KLC3: variants seen among roughly 807,000 people sequenced by gnomAD.
The protein encoded by KLC3 is kinesin light chain 3.
Under a neutral mutation model 62.9 loss-of-function variants are expected in KLC3, and 72 were observed. The ratio of observed to expected loss-of-function variants is 1.15; its 90% CI spans 0.95 to 1.39. KLC3 has a LOEUF of 1.39. Ranked by LOEUF, KLC3 falls within the 40% of genes most tolerant of loss-of-function variation. The probability of loss-of-function intolerance (pLI) is 0.00; values close to 1 mark genes in which losing one functional copy is unlikely to be tolerated. For synonymous variants in KLC3, 377 were observed against 300.5 expected, an observed-to-expected ratio of 1.25 and a Z score of -2.63; for missense variants, 848 against 691.6, an observed-to-expected ratio of 1.23 and a Z score of -2.54.
At chr19:45,346,843 C>A in intron 3 of KLC3, 69 bp downstream of exon 3, 2 of 1,385,174 alleles carry the variant, frequency 1.4e-6, no homozygotes, top group South Asian at 2.5e-5. Context: ...CCAGACCCTC[C>A]TTAGAATCCC....
At position 45,345,684 on chromosome 19, in the gene KLC3, T is replaced by G. The variant is rs1338963305; in HGVS notation, c.143T>G (p.Leu48Arg). Reference protein sequence around the residue: ...RAEHHGLAGHLAEALAGQGPA... With the variant: ...RAEHHGLAGHRAEALAGQGPA... Reference sequence around the variant, plus strand: ...GAGCACCATGGCCTGGCTGGGCACCTGGCGGAGGCCCTGGCGGGACAGGGC... The same window carrying G: ...GAGCACCATGGCCTGGCTGGGCACCGGGCGGAGGCCCTGGCGGGACAGGGC... Residue 48 changes from leucine (L) to arginine (R), a missense_variant, in exon 2 of 13, where the codon CTG (leucine) becomes CGG (arginine). Leu to Arg is a moderately radical substitution (Grantham distance 102). Coordinates refer to ENST00000391946, the MANE Select transcript of KLC3 (RefSeq NM_177417.3). 6.3e-7 allele frequency: 1 copy of G among 1,575,498 alleles called. No homozygotes were observed.
rs779536241 is a variant in KLC3, at chr19:45,349,555, C to G, written c.1096C>G (p.Leu366Val). 1.2e-6 allele frequency: 2 copies of G among 1,613,922 alleles called. No individual in the cohort carries two copies. The highest frequency in any genetic ancestry group is 1.7e-6 in the Non-Finnish European group (2 of 1,179,898). The change falls in exon 8 of 13, where the codon CTG (leucine) becomes GTG (valine). Residue 366 changes from leucine (L) to valine (V), a missense_variant. Physicochemically the swap from Leu to Val is conservative, Grantham distance 32. Transcript: ENST00000391946. ...YARALSIYEA[L>V]GGPHDPNVAK... ...CCGGGCCCTGAGCATCTATGAGGCACTGGGCGGGCCCCATGACCCCAACGT... is the reference window on the plus strand; with the variant it reads ...CCGGGCCCTGAGCATCTATGAGGCAGTGGGCGGGCCCCATGACCCCAACGT...
chr19:45,341,184 G>GTT (rs1555772407), intron 1 of KLC3, among the ~76,000 whole-genome samples: 1 of 126,908 alleles, frequency 7.9e-6, no homozygotes, highest in Admixed American at 7.5e-5. Flanking sequence ...GCCTGCCTGT[G>GTT]TTTGTGTGTG....
rs1478959698 is a variant in KLC3 at position 45,346,628 on chromosome 19, G to A, written c.343G>A (p.Glu115Lys). The stretch of plus-strand genomic sequence containing the variant: ...CTCGCAGGCCCGGCGGCTGGCCCAG[G>A]AGAACGTGTGGCTGCGGGAGGAACT... The part of the protein sequence containing the change: ...LRSQARRLAQ[E>K]NVWLREELEE... The change falls in exon 3 of 13, where the codon GAG becomes AAG. Residue 115 changes from glutamate to lysine, a missense_variant. By Grantham distance (56) the Glu-to-Lys change is moderately conservative. Coordinates refer to ENST00000391946, the MANE Select transcript of KLC3 (RefSeq NM_177417.3). The A allele has an allele frequency of 6.4e-7, 1 of 1,553,064 alleles. No individual in the cohort carries two copies. The highest frequency in any genetic ancestry group is 8.7e-7 in the Non-Finnish European group (1 of 1,148,530).
intron 3 of KLC3, 46 bp from the exon 4 acceptor site, chr19:45,347,401 A>G (rs781364621): frequency 4.0e-6 from 6 of 1,485,748 alleles, no homozygotes; most frequent in Non-Finnish European, 5.6e-6. Context: ...CCGGTCTCTG[A>G]AACAAGCCCC....
intron 2 of KLC3, among the ~76,000 whole-genome samples, chr19:45,346,117 G>A (rs189733335): frequency 2.0e-5 from 3 of 152,190 alleles, no homozygotes; most frequent in East Asian, 1.9e-4. Context: ...AGTGGAGATC[G>A]TGCCATTCCA....
At chr19:45,349,673 A>G in intron 8 of KLC3, 71 bp downstream of exon 8, 1 of 993,096 alleles carries the variant, frequency 1.0e-6, no homozygotes, top group Middle Eastern at 3.3e-4. Flanking sequence ...CATTGGTTGG[A>G]TACAGGGTGA....
At chr19:45,342,706 G>A (rs529975907) in intron 1 of KLC3, among the ~76,000 whole-genome samples, 6 of 152,046 alleles carry the variant, frequency 3.9e-5, no homozygotes, top group Admixed American at 1.3e-4. Context: ...GGTGGAGATC[G>A]CAGTGAGCCA....
At chr19:45,347,660 G>A (rs1256235060) in intron 4 of KLC3, 144 bp downstream of exon 4, 2 of 765,698 alleles carry the variant, frequency 2.6e-6, no homozygotes, top group South Asian at 1.8e-5. Flanking sequence ...CAGTGCAGGT[G>A]AGGCTGGGAG....
chr19:45,345,484 C>T, intron 1 of KLC3, 50 bp from the exon 2 acceptor site: 1 of 1,549,730 alleles, frequency 6.5e-7, no homozygotes, highest in Non-Finnish European at 8.7e-7. Context: ...TGGGGGCCAA[C>T]TGACTGGCCC....
At chr19:45,349,841 A>C (rs1460426483) in intron 8 of KLC3, 3 of 527,138 alleles carry the variant, frequency 5.7e-6, no homozygotes, top group Admixed American at 3.5e-5. Context: ...CACAGGTGGC[A>C]GCAGCAGACA....
Position 45,345,546 on chromosome 19 carries a change from C to T in KLC3, c.5C>T (p.Ser2Phe), listed in dbSNP as rs1599706155. 1 of 1,564,694 alleles carries T rather than the reference C, an allele frequency of 6.4e-7. No homozygotes were observed. Among genetic ancestry groups the T allele is most frequent in the African/African-American group, 1.4e-5 (1 of 73,964 alleles). The change falls in exon 2 of 13, where the codon TCT becomes TTT. Residue 2 changes from serine to phenylalanine, a missense_variant. Transcript: ENST00000391946. ...CATTGCTCCCCAGGAGCAGCAATGT[C>T]TGTGCAGGTAGCGGCTCCTGGAAGT... is the stretch of plus-strand genomic sequence containing the variant. M[S>F]VQVAAPGSAG...
chr19:45,346,932 A>G (rs1971513262), intron 3 of KLC3, 158 bp downstream of exon 3: 2 of 394,554 alleles, frequency 5.1e-6, no homozygotes, highest in South Asian at 6.9e-5. Flanking sequence ...AACCCTCCAC[A>G]GAGCCCCCAG....
At chr19:45,341,140 G>T (rs1971384524) in intron 1 of KLC3, among the ~76,000 whole-genome samples, 1 of 151,912 alleles carries the variant, frequency 6.6e-6, no homozygotes, top group Non-Finnish European at 1.5e-5. Context: ...AAGTTGGTGC[G>T]GCTTGCGGGG....
intron 1 of KLC3, among the ~76,000 whole-genome samples, chr19:45,344,652 T>G: frequency 6.6e-6 from 1 of 152,158 alleles, no homozygotes. Context: ...GGAGTGTGTT[T>G]GTGTGTATAT....
chr19:45,346,137 G>C (rs1971485224), intron 2 of KLC3, among the ~76,000 whole-genome samples: 1 of 152,078 alleles, frequency 6.6e-6, no homozygotes, highest in African/African-American at 2.4e-5. Context: ...ACTCCAGTCT[G>C]GGTGACAGAG....
At chr19:45,346,413 A>C in intron 2 of KLC3, 131 bp from the exon 3 acceptor site, 1 of 799,952 alleles carries the variant, frequency 1.3e-6, no homozygotes, top group Non-Finnish European at 1.9e-6. Flanking sequence ...ATGTTGGCAG[A>C]GTCTCTGCAG....
intron 5 of KLC3, 77 bp downstream of exon 5, chr19:45,348,237 C>G (rs1971556572): frequency 2.3e-6 from 3 of 1,312,924 alleles, no homozygotes; most frequent in Admixed American, 2.2e-5. Flanking sequence ...GATCCTGGTG[C>G]CCCCTCTGTC....
chr19:45,351,450 C>T lies in KLC3; in HGVS notation c.*93C>T. 6.3e-7 allele frequency: 1 copy of T among 1,583,416 alleles called. No homozygotes were observed. The highest frequency in any genetic ancestry group is 1.1e-5 in the South Asian group (1 of 89,202). ...GAGGGGGTCTATCATCTCCTGGCCC[C>T]CCCTTGCCTCTGGGTACCTGGTGGA... On this transcript the variant is annotated 3_prime_UTR_variant, in exon 13 of 13. Coordinates refer to ENST00000391946, the MANE Select transcript of KLC3 (RefSeq NM_177417.3).
Sources: gnomAD v4.1 joint callset for allele counts (sites outside exome capture counted in the v4.1 genomes callset) on GRCh38, gnomAD v4.1.1 for gene constraint, MANE v1.5 for transcripts, NCBI Gene and HGNC (gene_info 2026-07-23, HGNC 2026-07-21) for gene names.